UBTD2: variants seen among roughly 807,000 people sequenced by gnomAD.
UBTD2 encodes the protein ubiquitin domain containing 2.
Under a neutral mutation model 19.8 loss-of-function variants are expected in UBTD2, and 9 were observed. That is an observed-to-expected ratio of 0.46 (90% CI 0.27 to 0.79). UBTD2 has a LOEUF of 0.79. Ranked by LOEUF, UBTD2 falls within the 30% of genes least tolerant of loss-of-function variation. The probability of loss-of-function intolerance (pLI) is 0.14; values close to 1 mark genes in which losing one functional copy is unlikely to be tolerated. For synonymous variants in UBTD2, 98 were observed against 103.9 expected (o/e 0.94, Z 0.35); for missense variants, 250 against 300.4 (o/e 0.83, Z 1.24).
At chr5:172,224,471 A>T (rs2113881895) in intron 2 of UBTD2, among the ~76,000 whole-genome samples, 1 of 151,934 alleles carries the variant, frequency 6.6e-6, no homozygotes, top group Middle Eastern at 3.4e-3. Flanking sequence ...TTGTACTTTT[A>T]GTAGAGATGG....
chr5:172,237,384 G>A (rs1437121871), intron 1 of UBTD2, among the ~76,000 whole-genome samples: 1 of 152,170 alleles, frequency 6.6e-6, no homozygotes, highest in Non-Finnish European at 1.5e-5. Flanking sequence ...GAGCCACTGC[G>A]ACAGGCCCCC....
At chr5:172,229,374 A>G (rs935324435) in intron 2 of UBTD2, among the ~76,000 whole-genome samples, 27 of 151,808 alleles carry the variant, frequency 1.8e-4, no homozygotes, top group East Asian at 1.2e-3. Context: ...GGTGGCGGGC[A>G]CCTGTAGTCC....
chr5:172,229,325 C>T (rs1487091112), intron 2 of UBTD2, among the ~76,000 whole-genome samples: 2 of 151,614 alleles, frequency 1.3e-5, no homozygotes, highest in Non-Finnish European at 2.9e-5. Context: ...ACGGTGAAAC[C>T]CTGTCTCTAC....
chr5:172,277,094 A>C (rs1755620210), intron 1 of UBTD2, among the ~76,000 whole-genome samples: 1 of 144,628 alleles, frequency 6.9e-6, no homozygotes, highest in East Asian at 2.0e-4. Flanking sequence ...AAAAAAAAAA[A>C]AAAGAAGGGA....
chr5:172,215,880 T>C (rs1013584054), intron 2 of UBTD2, among the ~76,000 whole-genome samples: 1 of 152,104 alleles, frequency 6.6e-6, no homozygotes, highest in Non-Finnish European at 1.5e-5. Context: ...AGTAAAAATC[T>C]CTAAAACTGA....
upstream of UBTD2, chr5:172,284,019 C>G (rs984192604): frequency 6.7e-6 from 1 of 148,762 alleles, no homozygotes; most frequent in Non-Finnish European, 1.5e-5. Flanking sequence ...AGGCGAGCCC[C>G]GCGCCGGCGC....
intron 1 of UBTD2, chr5:172,254,952 G>A (rs1004316411): frequency 4.1e-5 from 22 of 538,516 alleles, no homozygotes; most frequent in Middle Eastern, 3.0e-4. Context: ...AGAGGCTCCT[G>A]GAGGTGACTC....
intron 1 of UBTD2, among the ~76,000 whole-genome samples, chr5:172,243,984 T>C (rs1772185440): frequency 6.6e-6 from 1 of 151,968 alleles, no homozygotes; most frequent in Admixed American, 6.6e-5. Context: ...GTTGCCTCCT[T>C]GGTTTCAAAA....
intron 1 of UBTD2, among the ~76,000 whole-genome samples, chr5:172,236,119 A>T (rs1772003556): frequency 6.6e-6 from 1 of 152,222 alleles, no homozygotes; most frequent in African/African-American, 2.4e-5. Flanking sequence ...TATTCTCAAT[A>T]AAGACTGCCA....
chr5:172,283,670 G>A lies in UBTD2; in HGVS notation c.-5C>T. 8.1e-7 allele frequency: 1 copy of A among 1,234,920 alleles called. No homozygotes were observed. 76.5% of individuals were successfully genotyped at this position (1,234,920 alleles called of 1,614,324 possible). ...GGCGCCCACACACCCGCCCATGGGG[G>A]CCCCCGGCGCCTCGTCCGCCACCTC... On this transcript the variant is annotated 5_prime_UTR_variant, in exon 1 of 3. Coordinates refer to ENST00000393792, the MANE Select transcript of UBTD2 (RefSeq NM_152277.3). The surrounding 1 kb of genome is among the most constrained non-coding windows in gnomAD (Gnocchi z 4.3).
At chr5:172,276,061 T>C (rs942254572) in intron 1 of UBTD2, among the ~76,000 whole-genome samples, 2 of 152,184 alleles carry the variant, frequency 1.3e-5, no homozygotes, top group African/African-American at 4.8e-5. Flanking sequence ...AGGAAATCAC[T>C]TGAGAATCTT....
intron 1 of UBTD2, among the ~76,000 whole-genome samples, chr5:172,258,453 T>C (rs1278982913): frequency 6.6e-6 from 1 of 152,254 alleles, no homozygotes; most frequent in African/African-American, 2.4e-5. Context: ...AGGATTGTTT[T>C]GGCTTTTTGG....
At chr5:172,280,831 T>C (rs2113147297) in intron 1 of UBTD2, among the ~76,000 whole-genome samples, 1 of 152,342 alleles carries the variant, frequency 6.6e-6, no homozygotes, top group Non-Finnish European at 1.5e-5. Flanking sequence ...TACAGTCTCT[T>C]ATAAAAATCT....
At chr5:172,262,901 C>A (rs1254764312) in intron 1 of UBTD2, among the ~76,000 whole-genome samples, 1 of 152,146 alleles carries the variant, frequency 6.6e-6, no homozygotes, top group Non-Finnish European at 1.5e-5. Flanking sequence ...CTATTAGTAA[C>A]TTCAATAAGA....
chr5:172,264,322 G>A (rs567129805), intron 1 of UBTD2, among the ~76,000 whole-genome samples: 3 of 151,914 alleles, frequency 2.0e-5, no homozygotes, highest in South Asian at 2.1e-4. Context: ...TGAGGCGGGC[G>A]GATCACTTGA....
At chr5:172,269,467 G>A (rs1755442353) in intron 1 of UBTD2, among the ~76,000 whole-genome samples, 1 of 150,822 alleles carries the variant, frequency 6.6e-6, no homozygotes, top group South Asian at 2.1e-4. Context: ...CTCCGGTCTG[G>A]GCAACAGAGT....
At chr5:172,220,640 C>CA (rs150116978) in intron 2 of UBTD2, among the ~76,000 whole-genome samples, 7,777 of 150,330 alleles carry the variant, frequency 0.052, 629 homozygotes, top group African/African-American at 0.17. Context: ...ACAAAAAAAC[C>CA]AAAAAAAAAC....
chr5:172,246,441 C>CTTTTTTTTTTTTT, intron 1 of UBTD2, among the ~76,000 whole-genome samples: 1 of 85,070 alleles, frequency 1.2e-5, no homozygotes. Flanking sequence ...ATTGAGATTG[C>CTTTTTTTTTTTTT]TTTTTTTTTT....
chr5:172,282,647 T>C (rs1036431971), intron 1 of UBTD2, among the ~76,000 whole-genome samples: 2 of 152,252 alleles, frequency 1.3e-5, no homozygotes, highest in African/African-American at 2.4e-5. Flanking sequence ...GCTGTCATCT[T>C]TGCCTAAAGG....
Sources: allele counts gnomAD v4.1 joint callset (sites outside exome capture counted in the v4.1 genomes callset), GRCh38; gene constraint gnomAD v4.1.1; non-coding constraint Gnocchi (gnomAD v3.1); transcripts MANE v1.5; gene names NCBI Gene and HGNC (gene_info 2026-07-23, HGNC 2026-07-21).